The following PHLDB2 variants were observed in gnomAD, a reference collection of about 807,000 sequenced individuals.
The protein encoded by PHLDB2 is pleckstrin homology like domain family B member 2.
PHLDB2 carries 71 observed loss-of-function variants against 123.6 expected under a neutral mutation model. That is an observed-to-expected ratio of 0.57 (90% CI 0.47 to 0.70). The LOEUF is 0.70. Ranked by LOEUF, PHLDB2 falls within the 30% of genes least tolerant of loss-of-function variation. The pLI is 0.00. For synonymous variants in PHLDB2, 547 were observed against 541.6 expected, an observed-to-expected ratio of 1.01 and a Z score of -0.14; for missense variants, 1,446 against 1,519.5, an observed-to-expected ratio of 0.95 and a Z score of 0.80.
intron 1 of PHLDB2, among the ~76,000 whole-genome samples, chr3:111,842,489 T>C (rs931200244): frequency 3.9e-5 from 6 of 152,226 alleles, no homozygotes; most frequent in African/African-American, 1.4e-4. Context: ...TTGTACATTC[T>C]ATGGGTTTAG....
At chr3:111,804,596 A>C (rs978569973) in intron 1 of PHLDB2, among the ~76,000 whole-genome samples, 14 of 152,190 alleles carry the variant, frequency 9.2e-5, no homozygotes, top group African/African-American at 3.4e-4. Flanking sequence ...AACCTCAAAA[A>C]ATTAGTCCCA....
At chr3:111,744,597 T>A (rs1488559874) in intron 1 of PHLDB2, among the ~76,000 whole-genome samples, 1 of 152,204 alleles carries the variant, frequency 6.6e-6, no homozygotes, top group Non-Finnish European at 1.5e-5. Context: ...GTGGATACTG[T>A]GCAGCCATTT....
intron 1 of PHLDB2, among the ~76,000 whole-genome samples, chr3:111,868,145 G>A (rs930708192): frequency 3.3e-5 from 5 of 151,444 alleles, no homozygotes; most frequent in African/African-American, 1.2e-4. Flanking sequence ...TCTGCCTCCT[G>A]AGTAGCTGGA....
At chr3:111,735,007 A>G (rs1229638330) in intron 1 of PHLDB2, among the ~76,000 whole-genome samples, 2 of 152,198 alleles carry the variant, frequency 1.3e-5, no homozygotes, top group Non-Finnish European at 2.9e-5. Flanking sequence ...TCTGTCCTGT[A>G]TATTTTCTAA....
chr3:111,804,900 T>C (rs1010655312), intron 1 of PHLDB2, among the ~76,000 whole-genome samples: 3 of 152,162 alleles, frequency 2.0e-5, no homozygotes, highest in Admixed American at 1.3e-4. Context: ...TAAATAACAA[T>C]AGAACAATAT....
Position 111,953,923 on chromosome 3 carries a change from C to T in PHLDB2, c.2773-7C>T, listed in dbSNP as rs759604552. 6 of 1,611,554 alleles carry T rather than the reference C, an allele frequency of 3.7e-6. No individual in the cohort carries two copies. In the African/African-American group the frequency reaches 8.0e-5, roughly 22 times the overall value. ...TTGCCTGAAGTACTCCCTCCTGCTTCCCGCAGGCCCATCTGCCCCTAGGAC... is the reference window on the plus strand; with the variant it reads ...TTGCCTGAAGTACTCCCTCCTGCTTTCCGCAGGCCCATCTGCCCCTAGGAC... On this transcript the variant is annotated splice_region_variant and splice_polypyrimidine_tract_variant and intron_variant, in intron 11 of 17. Coordinates refer to ENST00000431670, the MANE Select transcript of PHLDB2 (RefSeq NM_001134438.2).
At chr3:111,927,085 A>T (rs2068857764) in intron 5 of PHLDB2, among the ~76,000 whole-genome samples, 1 of 152,214 alleles carries the variant, frequency 6.6e-6, no homozygotes, top group African/African-American at 2.4e-5. Flanking sequence ...AGAAAAACGA[A>T]TTTCACATAA....
chr3:111,858,574 T>C (rs1289252719), upstream of PHLDB2, among the ~76,000 whole-genome samples: 1 of 152,226 alleles, frequency 6.6e-6, no homozygotes, highest in Non-Finnish European at 1.5e-5. Context: ...AAGCTATTTC[T>C]TCAGTGACGG....
chr3:111,811,875 CATG>C (rs141506770), intron 1 of PHLDB2, among the ~76,000 whole-genome samples: 2,603 of 152,258 alleles, frequency 0.017, 64 homozygotes, highest in African/African-American at 0.06. Flanking sequence ...GAGATGAAAT[CATG>C]ATGTCTAAAC....
intron 10 of PHLDB2, chr3:111,950,002 A>G (rs559667262): frequency 4.3e-6 from 3 of 691,202 alleles, no homozygotes; most frequent in South Asian, 1.3e-4. Flanking sequence ...GGCAAGTTGC[A>G]TACTTCTCTG....
intron 1 of PHLDB2, among the ~76,000 whole-genome samples, chr3:111,780,766 G>A (rs909707623): frequency 5.9e-5 from 9 of 151,982 alleles, no homozygotes; most frequent in East Asian, 1.9e-4. Context: ...TGATGTCCCC[G>A]TGGATAGACC....
intron 10 of PHLDB2, among the ~76,000 whole-genome samples, chr3:111,950,909 T>G (rs566659730): frequency 6.6e-6 from 1 of 152,346 alleles, no homozygotes; most frequent in African/African-American, 2.4e-5. Context: ...ATGCCTTCAA[T>G]TTTGATGTTA....
intron 1 of PHLDB2, among the ~76,000 whole-genome samples, chr3:111,838,215 T>G (rs7340688): frequency 0.98 from 149,297 of 152,262 alleles, 73,264 homozygotes; most frequent in East Asian, 1. Context: ...TGCCCAGGCT[T>G]GTCGCAAACT....
chr3:111,748,134 GA>G (rs35499423), intron 1 of PHLDB2, among the ~76,000 whole-genome samples: 83,819 of 151,924 alleles, frequency 0.55, 25,165 homozygotes, highest in African/African-American at 0.8. Flanking sequence ...TGGTGTATGG[GA>G]AAAAAACACA....
At chr3:111,814,572 T>C (rs1341986670) in intron 1 of PHLDB2, among the ~76,000 whole-genome samples, 3 of 151,768 alleles carry the variant, frequency 2.0e-5, no homozygotes, top group Non-Finnish European at 2.9e-5. Flanking sequence ...TCTACATAGA[T>C]GTCTGCATGG....
chr3:111,865,207 C>T (rs1405478197), intron 1 of PHLDB2, among the ~76,000 whole-genome samples: 1 of 152,168 alleles, frequency 6.6e-6, no homozygotes, highest in Non-Finnish European at 1.5e-5. Flanking sequence ...TCAAAAACAG[C>T]TTAAGATTTA....
intron 1 of PHLDB2, among the ~76,000 whole-genome samples, chr3:111,870,643 T>C (rs1308360378): frequency 6.6e-6 from 1 of 152,080 alleles, no homozygotes; most frequent in Non-Finnish European, 1.5e-5. Flanking sequence ...TTTTTTTTCC[T>C]TCAATCCTCT....
chr3:111,961,113 A>G (rs2071386419), intron 12 of PHLDB2, among the ~76,000 whole-genome samples: 1 of 152,176 alleles, frequency 6.6e-6, no homozygotes, highest in Non-Finnish European at 1.5e-5. Context: ...CAGGCAGATC[A>G]CAAGGTCAAG....
At chr3:111,872,474 C>T (rs1161073568) in intron 1 of PHLDB2, among the ~76,000 whole-genome samples, 1 of 152,174 alleles carries the variant, frequency 6.6e-6, no homozygotes, top group African/African-American at 2.4e-5. Flanking sequence ...CCTCACCTCT[C>T]ACCTTCCTAA....
Sources: allele counts gnomAD v4.1 joint callset (sites outside exome capture counted in the v4.1 genomes callset), GRCh38; gene constraint gnomAD v4.1.1; transcripts MANE v1.5; gene names NCBI Gene and HGNC (gene_info 2026-07-23, HGNC 2026-07-21).